Variants in PHLPP2 observed in about 807,000 individuals in gnomAD.
PHLPP2 encodes PH domain and leucine rich repeat protein phosphatase 2.
Under a neutral mutation model 124.9 loss-of-function variants are expected in PHLPP2, and 66 were observed. That is an observed-to-expected ratio of 0.53 (90% CI 0.43 to 0.65). The LOEUF is 0.65. PHLPP2 is among the 30% of genes least tolerant of loss of function. The pLI is 0.00. For synonymous variants in PHLPP2, 681 were observed against 624.7 expected, an observed-to-expected ratio of 1.09 and a Z score of -1.34; for missense variants, 1,685 against 1,600.4, an observed-to-expected ratio of 1.05 and a Z score of -0.90.
At chr16:71,661,294 C>T in intron 13 of PHLPP2, among the ~76,000 whole-genome samples, 1 of 152,016 alleles carries the variant, frequency 6.6e-6, no homozygotes, top group Non-Finnish European at 1.5e-5. Context: ...TGGTCTTAAA[C>T]TCCTGATCTC....
rs113600076 is a variant in PHLPP2, at chr16:71,671,323, G to C, written c.1532+939C>G. On this transcript the variant is annotated intron_variant, in intron 10 of 18. Coordinates refer to ENST00000568954, the MANE Select transcript of PHLPP2 (RefSeq NM_015020.3). ...CGTCAGGTACTATCTTATGCATTTT[G>C]CATTTATCATCTCACTCAGTCTTCA... 1.4e-3 allele frequency among the ~76,000 whole-genome samples: 215 copies of C among 152,126 alleles called. 2 individuals carry two copies. The highest frequency in any genetic ancestry group is 4.9e-3 in the African/African-American group (204 of 41,508).
In PHLPP2 at chr16:71,704,481, A is replaced by G. The variant is rs375941423; in HGVS notation, c.285-1750T>C. 6.6e-5 allele frequency among the ~76,000 whole-genome samples: 10 copies of G among 152,130 alleles called. No individual in the cohort carries two copies. The South Asian group carries it at 2.1e-3, about 31-fold the overall frequency. On this transcript the variant is annotated intron_variant, in intron 2 of 18. Transcript: ENST00000568954. Reference sequence around the variant, plus strand: ...ACAACTACAAAGCTGAACATAAACAACTGTAACAAAATGATAATTTTGGAA... The same window carrying G: ...ACAACTACAAAGCTGAACATAAACAGCTGTAACAAAATGATAATTTTGGAA...
chr16:71,669,404 A>T (rs1164666557), intron 10 of PHLPP2, 34 bp from the exon 11 acceptor site: 1 of 1,462,438 alleles, frequency 6.8e-7, no homozygotes, highest in East Asian at 2.3e-5. Flanking sequence ...GGCACCATTT[A>T]AGATGACAAG....
intron 3 of PHLPP2, among the ~76,000 whole-genome samples, chr16:71,690,972 A>G (rs1414536164): frequency 4.6e-5 from 7 of 152,210 alleles, no homozygotes; most frequent in Non-Finnish European, 1.0e-4. Flanking sequence ...CATATCTCCT[A>G]TGTACCCAGA....
intron 13 of PHLPP2, among the ~76,000 whole-genome samples, chr16:71,661,827 T>C (rs760569915): frequency 4.0e-5 from 6 of 151,892 alleles, no homozygotes; most frequent in Non-Finnish European, 7.4e-5. Context: ...TGTTTTGTTT[T>C]GTTTTGTTTT....
intron 12 of PHLPP2, among the ~76,000 whole-genome samples, chr16:71,665,708 TACTC>T (rs1318778561): frequency 6.6e-6 from 1 of 152,226 alleles, no homozygotes; most frequent in Non-Finnish European, 1.5e-5. Flanking sequence ...ACAGCTAAGT[TACTC>T]ACTAAAGATT....
At chr16:71,659,062 C>T (rs2044765891) in intron 13 of PHLPP2, among the ~76,000 whole-genome samples, 1 of 152,132 alleles carries the variant, frequency 6.6e-6, no homozygotes, top group Non-Finnish European at 1.5e-5. Flanking sequence ...TGGGCAGGAA[C>T]ATCTTCCTGT....
At chr16:71,651,707 G>T (rs989217261) in intron 18 of PHLPP2, among the ~76,000 whole-genome samples, 24 of 151,998 alleles carry the variant, frequency 1.6e-4, no homozygotes, top group African/African-American at 5.8e-4. Flanking sequence ...CTCTAATATA[G>T]AATTCTGACA....
intron 11 of PHLPP2, among the ~76,000 whole-genome samples, chr16:71,668,568 T>C (rs2044861414): frequency 1.3e-5 from 2 of 151,794 alleles, no homozygotes; most frequent in South Asian, 4.2e-4. Context: ...TTGAGACCAG[T>C]GTGGCCAATA....
intron 2 of PHLPP2, among the ~76,000 whole-genome samples, chr16:71,712,455 G>A (rs189215891): frequency 1.0e-3 from 153 of 152,156 alleles, no homozygotes; most frequent in Admixed American, 1.5e-3. Flanking sequence ...GGTTTTCTTC[G>A]TATTTCTAAT....
At position 71,655,139 on chromosome 16, in the gene PHLPP2, T is replaced by C. The variant is rs1316950611; in HGVS notation, c.2585+101A>G. 2.4e-5 allele frequency: 19 copies of C among 779,040 alleles called. No individual in the cohort carries two copies. In the Admixed American group the frequency reaches 3.8e-4, roughly 16 times the overall value. 48.3% of individuals were successfully genotyped at this position (779,040 alleles called of 1,614,324 possible). On this transcript the variant is annotated intron_variant, in intron 17 of 18. Transcript: ENST00000568954. ...GAAGACAACAACGTGAGTTCTCTCC[T>C]TGATCCTGTATCCATAATTTAGACC...
chr16:71,717,465 C>A (rs1386744398), intron 1 of PHLPP2, among the ~76,000 whole-genome samples: 1 of 152,082 alleles, frequency 6.6e-6, no homozygotes, highest in Non-Finnish European at 1.5e-5. Flanking sequence ...TAGGATAAAT[C>A]CCTGCTACAA....
intron 13 of PHLPP2, among the ~76,000 whole-genome samples, chr16:71,660,952 T>C (rs1213306013): frequency 1.3e-5 from 2 of 152,186 alleles, no homozygotes; most frequent in African/African-American, 2.4e-5. Context: ...ATAGTGGATT[T>C]ATTATTTAGT....
intron 15 of PHLPP2, among the ~76,000 whole-genome samples, chr16:71,657,095 G>A (rs559894875): frequency 1.3e-5 from 2 of 151,948 alleles, no homozygotes; most frequent in South Asian, 4.2e-4. Flanking sequence ...GGCACCTGCC[G>A]TAACAACCAG....
At chr16:71,705,184 C>A (rs1375394970) in intron 2 of PHLPP2, among the ~76,000 whole-genome samples, 1 of 152,144 alleles carries the variant, frequency 6.6e-6, no homozygotes, top group Non-Finnish European at 1.5e-5. Context: ...CAAACGGGGC[C>A]AGATGATCTT....
intron 4 of PHLPP2, among the ~76,000 whole-genome samples, chr16:71,689,463 G>A (rs1305506420): frequency 6.8e-6 from 1 of 147,816 alleles, no homozygotes. Context: ...CATGATCTTG[G>A]CTCACCACAA....
intron 17 of PHLPP2, chr16:71,655,022 C>G: frequency 2.0e-6 from 1 of 496,788 alleles, no homozygotes; most frequent in Non-Finnish European, 3.6e-6. Flanking sequence ...CCTCAGCAGC[C>G]TTTGGATTCA....
chr16:71,701,413 C>T (rs1315473590), intron 3 of PHLPP2, among the ~76,000 whole-genome samples: 1 of 151,882 alleles, frequency 6.6e-6, no homozygotes, highest in East Asian at 1.9e-4. Context: ...AAGTTTCATC[C>T]CAAACTTAAT....
At chr16:71,685,305 C>A (rs929636772) in intron 4 of PHLPP2, among the ~76,000 whole-genome samples, 1 of 152,156 alleles carries the variant, frequency 6.6e-6, no homozygotes, top group Non-Finnish European at 1.5e-5. Context: ...CCAGTCCAGG[C>A]GACAGTGCGA....
Sources: allele counts gnomAD v4.1 joint callset (sites outside exome capture counted in the v4.1 genomes callset), GRCh38; gene constraint gnomAD v4.1.1; transcripts MANE v1.5; gene names NCBI Gene and HGNC (gene_info 2026-07-23, HGNC 2026-07-21).